TRPC4: variants seen among roughly 807,000 people sequenced by gnomAD.
TRPC4 encodes the protein transient receptor potential cation channel subfamily C member 4.
A neutral mutation model predicts 99.4 loss-of-function variants in TRPC4; 49 were observed. That is an observed-to-expected ratio of 0.49 (90% CI 0.39 to 0.63). The LOEUF is 0.63. Among genes scored for constraint, TRPC4 ranks in the 20% least tolerant of loss-of-function variants. The pLI, the probability that TRPC4 is intolerant of heterozygous loss-of-function variation, is 0.00. For missense variants in TRPC4, 898 were observed against 1,152.9 expected, an observed-to-expected ratio of 0.78 and a Z score of 3.20; for synonymous variants, 454 against 425.9, an observed-to-expected ratio of 1.07 and a Z score of -0.81.
chr13:37,800,923 A>G (rs1187499261), intron 1 of TRPC4, among the ~76,000 whole-genome samples: 1 of 152,032 alleles, frequency 6.6e-6, no homozygotes, highest in Non-Finnish European at 1.5e-5. Context: ...GCTGAAAATC[A>G]GTAAAATATT....
chr13:37,853,188 T>C (rs1275427323), intron 1 of TRPC4, among the ~76,000 whole-genome samples: 1 of 152,160 alleles, frequency 6.6e-6, no homozygotes, highest in African/African-American at 2.4e-5. Flanking sequence ...CCCAACAAAG[T>C]CTAGTGCTGC....
intron 3 of TRPC4, among the ~76,000 whole-genome samples, chr13:37,717,402 T>A (rs1954714812): frequency 6.6e-6 from 1 of 152,158 alleles, no homozygotes; most frequent in Non-Finnish European, 1.5e-5. Context: ...CATGAGTTTA[T>A]TAGCAACGTG....
intron 2 of TRPC4, among the ~76,000 whole-genome samples, chr13:37,749,008 T>C (rs1293552482): frequency 1.3e-5 from 2 of 152,108 alleles, no homozygotes; most frequent in African/African-American, 4.8e-5. Context: ...AGGGATATAG[T>C]TGGTGAGCAG....
chr13:37,772,712 T>A (rs1039282671), intron 2 of TRPC4, among the ~76,000 whole-genome samples: 22 of 151,690 alleles, frequency 1.5e-4, no homozygotes, highest in Admixed American at 1.3e-3. Flanking sequence ...ATAATTTATA[T>A]CAAAAAAGGG....
chr13:37,791,917 C>T (rs553658898), intron 1 of TRPC4, among the ~76,000 whole-genome samples: 6 of 152,094 alleles, frequency 3.9e-5, no homozygotes, highest in Admixed American at 2.0e-4. Context: ...GGCAGGAGTG[C>T]GATGACTAAA....
intron 4 of TRPC4, among the ~76,000 whole-genome samples, chr13:37,680,053 T>A (rs1449337631): frequency 6.6e-6 from 1 of 152,132 alleles, no homozygotes; most frequent in Non-Finnish European, 1.5e-5. Context: ...CACCAGTTAA[T>A]GAAGAAAGCA....
chr13:37,669,215 G>T (rs546435785), intron 5 of TRPC4, among the ~76,000 whole-genome samples: 21 of 152,112 alleles, frequency 1.4e-4, no homozygotes, highest in Admixed American at 2.0e-4. Context: ...CAGCGAAAAA[G>T]GAATTAAAAT....
intron 5 of TRPC4, among the ~76,000 whole-genome samples, chr13:37,670,163 C>A (rs1356483415): frequency 1.3e-5 from 2 of 152,114 alleles, no homozygotes; most frequent in Non-Finnish European, 2.9e-5. Context: ...AGGCTTCCAG[C>A]CTCTGTAACT....
At chr13:37,727,312 A>G (rs1955096804) in intron 3 of TRPC4, among the ~76,000 whole-genome samples, 1 of 152,074 alleles carries the variant, frequency 6.6e-6, no homozygotes, top group Non-Finnish European at 1.5e-5. Flanking sequence ...TGAAAATTAA[A>G]CAACGTACTT....
chr13:37,731,682 T>G (rs1295187977), intron 3 of TRPC4, among the ~76,000 whole-genome samples: 1 of 152,082 alleles, frequency 6.6e-6, no homozygotes, highest in African/African-American at 2.4e-5. Context: ...GAGATAAAAA[T>G]GAAATGCAAT....
chr13:37,756,950 A>G (rs1956113147), intron 2 of TRPC4, among the ~76,000 whole-genome samples: 1 of 152,058 alleles, frequency 6.6e-6, no homozygotes, highest in Non-Finnish European at 1.5e-5. Context: ...CTAAATCAGG[A>G]GATTTTAAAT....
At position 37,746,302 on chromosome 13, in the gene TRPC4, A is replaced by C; in HGVS notation, c.532T>G (p.Cys178Gly). The C allele has an allele frequency of 6.2e-7, 1 of 1,613,856 alleles. No individual in the cohort carries two copies. Among genetic ancestry groups the C allele is most frequent in the Non-Finnish European group, 8.5e-7 (1 of 1,179,864 alleles). The change falls in exon 3 of 11, where the codon TGT (cysteine) becomes GGT (glycine). Residue 178 changes from cysteine to glycine, a missense_variant. This residue lies in a region of TRPC4 where 278 missense variants were observed against 346.6 expected (regional missense o/e 0.80). Coordinates refer to ENST00000379705, the MANE Select transcript of TRPC4 (RefSeq NM_016179.4). ...TCTGAACTGGACACGCATTCCACAC[A>C]GTTACAGCGGACCTCGTGGGGTCGA... Reference protein sequence around the residue: ...VPRPHEVRCNCVECVSSSDVD... With the variant: ...VPRPHEVRCNGVECVSSSDVD...
At position 37,767,315 on chromosome 13, in the gene TRPC4, C is replaced by T. The variant is rs187054905; in HGVS notation, c.378+15641G>A. ...AAAATAAAATTCACTCTAAAACACA[C>T]TCCCCAGAGATATAGATTCAGCATA... On this transcript the variant is annotated intron_variant, in intron 2 of 10. Coordinates refer to ENST00000379705, the MANE Select transcript of TRPC4 (RefSeq NM_016179.4). Among the ~76,000 whole-genome samples the T allele has an allele frequency of 2.7e-3, 392 of 142,666 alleles. 4 individuals are homozygous for T. The highest frequency in any genetic ancestry group is 2.8e-3 in the Non-Finnish European group (181 of 65,466). The allele number at this position is 142,666 out of a possible 152,430, so 93.6% of individuals were successfully genotyped here. A position where few individuals can be genotyped will look rare whatever the true frequency, so the allele number is the denominator to read the frequency against.
chr13:37,714,240 C>T (rs1346759682), intron 3 of TRPC4, among the ~76,000 whole-genome samples: 1 of 152,030 alleles, frequency 6.6e-6, no homozygotes, highest in Non-Finnish European at 1.5e-5. Flanking sequence ...GATTCTCCTG[C>T]CTCAGCCTCC....
intron 2 of TRPC4, among the ~76,000 whole-genome samples, chr13:37,751,809 T>C: frequency 6.6e-6 from 1 of 151,858 alleles, no homozygotes; most frequent in East Asian, 1.9e-4. Context: ...GACAGAAAAC[T>C]GGAGCACAGA....
chr13:37,669,369 C>T (rs1358825610), intron 5 of TRPC4, among the ~76,000 whole-genome samples: 1 of 152,082 alleles, frequency 6.6e-6, no homozygotes, highest in Non-Finnish European at 1.5e-5. Context: ...TCAACAAACT[C>T]CAGATTAACT....
chr13:37,797,652 G>A (rs1957294132), intron 1 of TRPC4, among the ~76,000 whole-genome samples: 12 of 152,108 alleles, frequency 7.9e-5, no homozygotes, highest in Admixed American at 7.9e-4. Context: ...TCAGACATCA[G>A]TTATGCAAAT....
chr13:37,745,458 A>ATATATATATATATGTGTG (rs1555265724), intron 3 of TRPC4, among the ~76,000 whole-genome samples: 1 of 6,580 alleles, frequency 1.5e-4, no homozygotes, highest in Admixed American at 2.5e-3. Context: ...ATATATATAT[A>ATATATATATATATGTGTG]TATATATATA....
chr13:37,802,849 C>CA (rs1186234515), intron 1 of TRPC4, among the ~76,000 whole-genome samples: 1 of 152,076 alleles, frequency 6.6e-6, no homozygotes, highest in Non-Finnish European at 1.5e-5. Context: ...CGGTATACAT[C>CA]AGGGGATCTT....
Sources: gnomAD v4.1 joint callset for allele counts (sites outside exome capture counted in the v4.1 genomes callset) on GRCh38, gnomAD v4.1.1 for gene constraint, gnomAD v4.1.1 regional missense constraint, MANE v1.5 for transcripts, NCBI Gene and HGNC (gene_info 2026-07-23, HGNC 2026-07-21) for gene names.